BCKDK: variants seen among roughly 807,000 people sequenced by gnomAD.
BCKDK encodes the protein branched chain keto acid dehydrogenase kinase, also known as branched-chain alpha-ketoacid dehydrogenase kinase.
BCKDK carries 28 observed loss-of-function variants against 43.9 expected under a neutral mutation model. The ratio of observed to expected loss-of-function variants is 0.64; its 90% CI spans 0.47 to 0.87. BCKDK has a LOEUF of 0.87. Ranked by LOEUF, BCKDK falls within the 40% of genes least tolerant of loss-of-function variation. The pLI is 0.00. For synonymous variants in BCKDK, 257 were observed against 234.3 expected (o/e 1.10, Z -0.88); for missense variants, 483 against 581.4 (o/e 0.83, Z 1.74).
chr16:31,110,512 G>A lies in BCKDK; in HGVS notation c.642+13G>A. ...GCATGAGGACAAGGTGGGGCTCTGG[G>A]ACCTGAGACCCACCTGGGAACATTA... On this transcript the variant is annotated intron_variant, in intron 7 of 11. Coordinates refer to ENST00000219794, the MANE Select transcript of BCKDK (RefSeq NM_005881.4). The surrounding 1 kb of genome is among the most constrained non-coding windows in gnomAD (Gnocchi z 5.4). 1.9e-6 allele frequency: 3 copies of A among 1,612,390 alleles called. No homozygotes were observed. The highest frequency in any genetic ancestry group is 2.5e-6 in the Non-Finnish European group (3 of 1,178,820).
In BCKDK at chr16:31,109,275, C is replaced by T. The variant is rs1291404818; in HGVS notation, c.52C>T (p.Arg18Trp). 2 of 1,584,552 alleles carry T rather than the reference C, an allele frequency of 1.3e-6. No individual in the cohort carries two copies. Among genetic ancestry groups the T allele is most frequent in the Non-Finnish European group, 1.7e-6 (2 of 1,165,228 alleles). ...RSGPGGGLPL[R>W]PLLGPALALR... ...CGGTCCCGGGGGCGGGCTTCCGCTC[C>T]GGCCCCTCCTGGGACCCGCACTCGC... The change falls in exon 2 of 12, where the codon CGG becomes TGG. Residue 18 changes from arginine to tryptophan, a missense_variant. Arg to Trp is a moderately radical substitution (Grantham distance 101). Coordinates refer to ENST00000219794, the MANE Select transcript of BCKDK (RefSeq NM_005881.4). This position sits in a 1 kb window ranked among gnomAD's most constrained non-coding sequence, Gnocchi z 5.3.
Position 31,111,394 on chromosome 16 carries a change from G to T in BCKDK, c.935+5G>T. On this transcript the variant is annotated splice_donor_5th_base_variant and intron_variant, in intron 10 of 11. Transcript: ENST00000219794. ...TGATGTCGATCTGATCATCAGGTTT[G>T]CCCTGAGTGGGAGTTGAGCTGAGGT... is the stretch of plus-strand genomic sequence containing the variant. 1 of 1,613,928 alleles carries T rather than the reference G, an allele frequency of 6.2e-7. No individual in the cohort carries two copies. Among genetic ancestry groups the T allele is most frequent in the Non-Finnish European group, 8.5e-7 (1 of 1,179,818 alleles).
chr16:31,110,315 G>C lies in BCKDK; in HGVS notation c.534G>C (p.Lys178Asn), dbSNP rs1367104777. The C allele has an allele frequency of 6.2e-7, 1 of 1,613,902 alleles. No individual in the cohort carries two copies. Among genetic ancestry groups the C allele is most frequent in the African/African-American group, 1.3e-5 (1 of 74,916 alleles). ...CAGAGGGCCTACGTGAGAGCCGGAA[G>C]CACATAGAGGTTGGGGCAGCAAAGG... The part of the protein sequence containing the change: ...LLAEGLRESR[K>N]HIEDEKLVRY... The change falls in exon 6 of 12, where the codon AAG (lysine) becomes AAC (asparagine). Residue 178 changes from lysine to asparagine, a missense_variant. Lys to Asn is a moderately conservative substitution (Grantham distance 94). Coordinates refer to ENST00000219794, the MANE Select transcript of BCKDK (RefSeq NM_005881.4). This position sits in a 1 kb window ranked among gnomAD's most constrained non-coding sequence, Gnocchi z 5.4.
chr16:31,111,893 C>T lies in BCKDK; in HGVS notation c.960C>T (p.Ile320=), dbSNP rs999998050. The change falls in exon 11 of 12, where the codon ATC becomes ATT. Residue 320 remains isoleucine (I), a synonymous_variant. Transcript: ENST00000219794. ...GGATCTCAGACCGTGGTGGAGGAATCGCTCACAAAGATCTGGACCGGGTCA... is the reference window on the plus strand; with the variant it reads ...GGATCTCAGACCGTGGTGGAGGAATTGCTCACAAAGATCTGGACCGGGTCA... ...IIRISDRGGG[I]AHKDLDRVMD... The T allele has an allele frequency of 2.0e-5, 32 of 1,613,986 alleles. No homozygotes were observed. The highest frequency in any genetic ancestry group is 2.2e-5 in the East Asian group (1 of 44,896).
Position 31,112,343 on chromosome 16 carries a change from C to T in BCKDK, c.*78C>T, listed in dbSNP as rs1334348824. ...GGACCTCCCGGGTCAGGCAGGGCGG[C>T]CCCCTGCTCCACACACTGCTGCATC... On this transcript the variant is annotated 3_prime_UTR_variant, in exon 12 of 12. Coordinates refer to ENST00000219794, the MANE Select transcript of BCKDK (RefSeq NM_005881.4). The surrounding 1 kb of genome is among the most constrained non-coding windows in gnomAD (Gnocchi z 5.0). 6.3e-7 allele frequency: 1 copy of T among 1,588,336 alleles called. No individual in the cohort carries two copies. The highest frequency in any genetic ancestry group is 1.1e-5 in the South Asian group (1 of 90,582).
rs1351801276 is a variant in BCKDK, at chr16:31,109,450, G to A, written c.195+32G>A. On this transcript the variant is annotated intron_variant, in intron 2 of 11. Transcript: ENST00000219794. This position sits in a 1 kb window ranked among gnomAD's most constrained non-coding sequence, Gnocchi z 5.3. Reference sequence around the variant, plus strand: ...AAGGGGGCAGCCAGCCCAGGGTCCGGGATGTAGGCGGGAGGGAGAGTGTTG... The same window carrying A: ...AAGGGGGCAGCCAGCCCAGGGTCCGAGATGTAGGCGGGAGGGAGAGTGTTG... 1.2e-6 allele frequency: 2 copies of A among 1,613,256 alleles called. No homozygotes were observed. The highest frequency in any genetic ancestry group is 1.3e-5 in the African/African-American group (1 of 74,912).
rs1351425461 is a variant in BCKDK, at chr16:31,112,053, A to G, written c.1094+26A>G. On this transcript the variant is annotated intron_variant, in intron 11 of 11. Coordinates refer to ENST00000219794, the MANE Select transcript of BCKDK (RefSeq NM_005881.4). The surrounding 1 kb of genome is among the most constrained non-coding windows in gnomAD (Gnocchi z 5.0). ...GTGAGACCCTGCCAGGCCAGGATGG[A>G]GGGGTGGGGGACCCCAGGAGACTCA... is the stretch of plus-strand genomic sequence containing the variant. 4.3e-6 allele frequency: 7 copies of G among 1,613,138 alleles called. No homozygotes were observed. Among genetic ancestry groups the G allele is most frequent in the Admixed American group, 1.7e-5 (1 of 59,950 alleles).
Position 31,109,774 on chromosome 16 carries a change from A to G in BCKDK, c.366A>G (p.Ile122Met). ...TCATCATTGGCTGCAACCCCACCATACTGCACGTGGTAAGGTAGAGAGGAC... is the reference window on the plus strand; with the variant it reads ...TCATCATTGGCTGCAACCCCACCATGCTGCACGTGGTAAGGTAGAGAGGAC... ...LPFIIGCNPT[I>M]LHVHELYIRA... Residue 122 changes from isoleucine to methionine, a missense_variant, in exon 4 of 12, where the codon ATA becomes ATG. By Grantham distance (10) the Ile-to-Met change is conservative. Transcript: ENST00000219794. This position sits in a 1 kb window ranked among gnomAD's most constrained non-coding sequence, Gnocchi z 5.3. The G allele has an allele frequency of 6.2e-7, 1 of 1,613,512 alleles. No homozygotes were observed. The highest frequency in any genetic ancestry group is 8.5e-7 in the Non-Finnish European group (1 of 1,179,888).
downstream of BCKDK, chr16:31,117,394 A>T (rs541203925): frequency 7.0e-4 from 148 of 211,570 alleles, no homozygotes; most frequent in African/African-American, 2.8e-3. Flanking sequence ...ATAAATAAAT[A>T]AATAAATTAA....
rs986557216 is a variant in BCKDK at position 31,108,471 on chromosome 16, G to C, written c.-186G>C. On this transcript the variant is annotated 5_prime_UTR_variant, in exon 1 of 12. Coordinates refer to ENST00000219794, the MANE Select transcript of BCKDK (RefSeq NM_005881.4). The surrounding 1 kb of genome is among the most constrained non-coding windows in gnomAD (Gnocchi z 6.2). Reference sequence around the variant, plus strand: ...CCGCTGGGACCCGGGCCCTGGCTCCGGCCCCGCGGTAAGTGGGGCGACCCC... The same window carrying C: ...CCGCTGGGACCCGGGCCCTGGCTCCCGCCCCGCGGTAAGTGGGGCGACCCC... The C allele has an allele frequency of 6.6e-6, 1 of 152,226 alleles. No individual in the cohort carries two copies. The highest frequency in any genetic ancestry group is 1.5e-5 in the Non-Finnish European group (1 of 68,036). 9.4% of individuals were successfully genotyped at this position (152,226 alleles called of 1,614,324 possible).
rs1285211800 is a variant in BCKDK at position 31,110,460 on chromosome 16, C to T, written c.603C>T (p.Arg201=). 5 of 1,613,902 alleles carry T rather than the reference C, an allele frequency of 3.1e-6. No individual in the cohort carries two copies. The highest frequency in any genetic ancestry group is 3.3e-5 in the Admixed American group (2 of 60,016). Residue 201 remains arginine, a synonymous_variant, in exon 7 of 12, where the codon CGC becomes CGT. Transcript: ENST00000219794. The surrounding 1 kb of genome is among the most constrained non-coding windows in gnomAD (Gnocchi z 5.4). ...DKTLTSRLGI[R]MLATHHLALH... is the part of the protein sequence containing the mutation. Reference sequence around the variant, plus strand: ...CGCTGACTTCGAGGCTTGGAATCCGCATGTTGGCCACGCATCACCTGGCGC... The same window carrying T: ...CGCTGACTTCGAGGCTTGGAATCCGTATGTTGGCCACGCATCACCTGGCGC...
At position 31,109,019 on chromosome 16, in the gene BCKDK, T is replaced by C. The variant is rs138774374; in HGVS notation, c.-177-28T>C. 3.4e-3 allele frequency: 1,699 copies of C among 498,732 alleles called. 28 individuals carry two copies. The highest frequency in any genetic ancestry group is 0.03 in the African/African-American group (1,528 of 51,088). 30.9% of individuals were successfully genotyped at this position (498,732 alleles called of 1,614,324 possible). On this transcript the variant is annotated intron_variant, in intron 1 of 11. Coordinates refer to ENST00000219794, the MANE Select transcript of BCKDK (RefSeq NM_005881.4). The surrounding 1 kb of genome is among the most constrained non-coding windows in gnomAD (Gnocchi z 5.3). ...TGCGGGTTCTGTGGATTCGGATCCT[T>C]ACAACTTCCTCTTCCCCGCCCCGGT...
Position 31,110,032 on chromosome 16 carries a change from C to G in BCKDK, c.376-45C>G, listed in dbSNP as rs749761316. On this transcript the variant is annotated intron_variant, in intron 4 of 11. Transcript: ENST00000219794. The surrounding 1 kb of genome is among the most constrained non-coding windows in gnomAD (Gnocchi z 5.4). Reference sequence around the variant, plus strand: ...TAGGTGGGGGTGGCTGTTCTCTGCTCAGTGCCCATGCGGCTTTGTGAATTC... The same window carrying G: ...TAGGTGGGGGTGGCTGTTCTCTGCTGAGTGCCCATGCGGCTTTGTGAATTC... 1 of 1,613,446 alleles carries G rather than the reference C, an allele frequency of 6.2e-7. No homozygotes were observed. The highest frequency in any genetic ancestry group is 2.2e-5 in the East Asian group (1 of 44,896).
rs2143939743 is a variant in BCKDK at position 31,109,931 on chromosome 16, G to A, written c.376-146G>A. 7.3e-7 allele frequency: 1 copy of A among 1,376,570 alleles called. No individual in the cohort carries two copies. Among genetic ancestry groups the A allele is most frequent in the South Asian group, 1.2e-5 (1 of 84,328 alleles). The allele number at this position is 1,376,570 out of a possible 1,614,324, so 85.3% of individuals were successfully genotyped here. ...CCAGGCCTTCAGAAGCCAAAGGTGT[G>A]TATTCACGGAGCCTGGAAGGGTCGA... On this transcript the variant is annotated intron_variant, in intron 4 of 11. Coordinates refer to ENST00000219794, the MANE Select transcript of BCKDK (RefSeq NM_005881.4). The surrounding 1 kb of genome is among the most constrained non-coding windows in gnomAD (Gnocchi z 5.3).
rs139120593 is a variant in BCKDK, at chr16:31,110,461, A to G, written c.604A>G (p.Met202Val). 46 of 1,613,714 alleles carry G rather than the reference A, an allele frequency of 2.9e-5. No homozygotes were observed. The highest frequency in any genetic ancestry group is 3.7e-5 in the Non-Finnish European group (44 of 1,180,028). The change falls in exon 7 of 12, where the codon ATG becomes GTG. Residue 202 changes from methionine to valine, a missense_variant. Met to Val is a conservative substitution (Grantham distance 21). Transcript: ENST00000219794. This position sits in a 1 kb window ranked among gnomAD's most constrained non-coding sequence, Gnocchi z 5.4. ...GCTGACTTCGAGGCTTGGAATCCGC[A>G]TGTTGGCCACGCATCACCTGGCGCT... ...KTLTSRLGIR[M>V]LATHHLALHE... is the part of the protein sequence containing the mutation.
rs1337089151 is a variant in BCKDK at position 31,110,393 on chromosome 16, C to G, written c.544-8C>G. 2 of 1,614,036 alleles carry G rather than the reference C, an allele frequency of 1.2e-6. No homozygotes were observed. The highest frequency in any genetic ancestry group is 1.7e-5 in the Admixed American group (1 of 60,012). On this transcript the variant is annotated splice_polypyrimidine_tract_variant and splice_region_variant and intron_variant, in intron 6 of 11. Transcript: ENST00000219794. The surrounding 1 kb of genome is among the most constrained non-coding windows in gnomAD (Gnocchi z 5.4). ...GGGCACGGGATTCTGAGACCTCACT[C>G]TTTACAGGATGAAAAGCTCGTCCGC...
Position 31,112,141 on chromosome 16 carries a change from C to T in BCKDK, c.1115C>T (p.Thr372Met), listed in dbSNP as rs780549207. 1.1e-5 allele frequency: 18 copies of T among 1,611,892 alleles called. No individual in the cohort carries two copies. The highest frequency in any genetic ancestry group is 4.4e-5 in the South Asian group (4 of 90,958). ...CCCAGCTTTGGCTTCGGGTTGCCCACGTCACGGGCCTACGCGGAGTACCTC... is the reference window on the plus strand; with the variant it reads ...CCCAGCTTTGGCTTCGGGTTGCCCATGTCACGGGCCTACGCGGAGTACCTC... ...PMHGFGFGLP[T>M]SRAYAEYLGG... is the part of the protein sequence containing the mutation. The change falls in exon 12 of 12, where the codon ACG (threonine) becomes ATG (methionine). Residue 372 changes from threonine to methionine, a missense_variant. Physicochemically the swap from Thr to Met is moderately conservative, Grantham distance 81. Transcript: ENST00000219794. This position sits in a 1 kb window ranked among gnomAD's most constrained non-coding sequence, Gnocchi z 5.0.
rs2057410916 is a variant in BCKDK at position 31,111,307 on chromosome 16, A to G, written c.853A>G (p.Met285Val). ...TCTTTCCCCTCTGCATAGAGCCACA[A>G]TGGAGAGTCACCTAGACACTCCCTA... ...ELLKNAMRATMESHLDTPYNV... is the reference protein window; with the variant it reads ...ELLKNAMRATVESHLDTPYNV... Residue 285 changes from methionine (M) to valine (V), a missense_variant, in exon 10 of 12, where the codon ATG (methionine) becomes GTG (valine). Coordinates refer to ENST00000219794, the MANE Select transcript of BCKDK (RefSeq NM_005881.4). 1.2e-6 allele frequency: 2 copies of G among 1,614,096 alleles called. No individual in the cohort carries two copies. Among genetic ancestry groups the G allele is most frequent in the South Asian group, 1.1e-5 (1 of 91,084 alleles).
chr16:31,111,489 T>G (rs1356570462), intron 10 of BCKDK, 100 bp downstream of exon 10: 1 of 1,314,164 alleles, frequency 7.6e-7, no homozygotes, highest in Non-Finnish European at 1.1e-6. Context: ...TGCCCCATTC[T>G]GGGACTTGGT....
Sources: gnomAD v4.1 joint callset for allele counts on GRCh38, gnomAD v4.1.1 for gene constraint, Gnocchi (gnomAD v3.1) non-coding constraint, MANE v1.5 for transcripts, NCBI Gene and HGNC (gene_info 2026-07-23, HGNC 2026-07-21) for gene names.